ALK: variants seen among roughly 807,000 people sequenced by gnomAD.
The protein encoded by ALK is ALK tyrosine kinase receptor.
A neutral mutation model predicts 163.1 loss-of-function variants in ALK; 74 were observed. The ratio of observed to expected loss-of-function variants is 0.45; its 90% CI spans 0.38 to 0.55. The LOEUF (loss-of-function observed/expected upper bound fraction) is 0.55. Ranked by LOEUF, ALK falls within the 20% of genes least tolerant of loss-of-function variation. ALK has a pLI of 0.00. For synonymous variants in ALK, 960 were observed against 843.2 expected, an observed-to-expected ratio of 1.14 and a Z score of -2.40; for missense variants, 2,063 against 2,105.3, an observed-to-expected ratio of 0.98 and a Z score of 0.39.
chr2:29,800,524 C>A (rs908679431), intron 1 of ALK, among the ~76,000 whole-genome samples: 1 of 152,166 alleles, frequency 6.6e-6, no homozygotes, highest in African/African-American at 2.4e-5. Flanking sequence ...GGCTGGTCAA[C>A]AGGGACAGAG....
At chr2:29,281,786 G>A (rs902759047) in intron 9 of ALK, among the ~76,000 whole-genome samples, 4 of 152,220 alleles carry the variant, frequency 2.6e-5, no homozygotes, top group African/African-American at 4.8e-5. Flanking sequence ...AGAATTGGGC[G>A]CCTCGGAGAC....
chr2:29,726,665 C>A (rs940418268), intron 1 of ALK, among the ~76,000 whole-genome samples: 1 of 152,132 alleles, frequency 6.6e-6, no homozygotes, highest in Non-Finnish European at 1.5e-5. Context: ...GCAGTGAGTG[C>A]CCTGGGGAGA....
intron 3 of ALK, among the ~76,000 whole-genome samples, chr2:29,692,015 T>A (rs964021457): frequency 6.6e-6 from 1 of 152,182 alleles, no homozygotes; most frequent in Non-Finnish European, 1.5e-5. Flanking sequence ...AGTGTTGGAA[T>A]CTGGAGATAG....
intron 4 of ALK, among the ~76,000 whole-genome samples, chr2:29,484,696 A>G (rs1277902684): frequency 6.6e-6 from 1 of 152,190 alleles, no homozygotes; most frequent in Admixed American, 6.5e-5. Flanking sequence ...CAAGAAATAC[A>G]TCCTTCAATA....
At chr2:29,645,016 G>A (rs1015762209) in intron 3 of ALK, among the ~76,000 whole-genome samples, 14 of 152,112 alleles carry the variant, frequency 9.2e-5, no homozygotes, top group African/African-American at 3.4e-4. Context: ...AGTCTTGGAG[G>A]CCTTGGAGAT....
chr2:29,374,431 T>TA (rs1668706764), intron 5 of ALK, among the ~76,000 whole-genome samples: 2 of 145,694 alleles, frequency 1.4e-5, no homozygotes, highest in Non-Finnish European at 3.0e-5. Flanking sequence ...GTGCTTGCCA[T>TA]GAAAAAAAAA....
At chr2:29,516,813 G>A (rs997257560) in intron 4 of ALK, among the ~76,000 whole-genome samples, 2 of 152,230 alleles carry the variant, frequency 1.3e-5, no homozygotes, top group African/African-American at 4.8e-5. Context: ...TGCTATAAAC[G>A]TGGTAGCTGT....
At chr2:29,284,368 G>C (rs1665795659) in intron 9 of ALK, among the ~76,000 whole-genome samples, 1 of 152,158 alleles carries the variant, frequency 6.6e-6, no homozygotes, top group South Asian at 2.1e-4. Flanking sequence ...TCAAATATTG[G>C]AAGCTCAATT....
intron 3 of ALK, among the ~76,000 whole-genome samples, chr2:29,535,750 A>AAGGAT (rs1232297285): frequency 2.0e-5 from 3 of 152,156 alleles, no homozygotes; most frequent in Admixed American, 6.5e-5. Context: ...CAGTCTCTCT[A>AAGGAT]AGGATTCTTA....
At chr2:29,442,868 C>T (rs1670581745) in intron 4 of ALK, among the ~76,000 whole-genome samples, 1 of 152,202 alleles carries the variant, frequency 6.6e-6, no homozygotes, top group Admixed American at 6.5e-5. Flanking sequence ...ACAAATGATT[C>T]TCAATGTCCC....
intron 11 of ALK, among the ~76,000 whole-genome samples, chr2:29,269,176 G>A (rs763748711): frequency 2.6e-5 from 4 of 152,216 alleles, no homozygotes; most frequent in African/African-American, 4.8e-5. Context: ...CACTGAATGA[G>A]CTTAGTGACT....
chr2:29,228,620 C>T (rs1411831209), intron 16 of ALK, among the ~76,000 whole-genome samples: 4 of 152,054 alleles, frequency 2.6e-5, no homozygotes, highest in African/African-American at 4.8e-5. Context: ...CAAGCCAAAG[C>T]CTCTTTATCA....
intron 4 of ALK, among the ~76,000 whole-genome samples, chr2:29,520,373 T>C (rs1057370541): frequency 6.6e-6 from 1 of 152,246 alleles, no homozygotes; most frequent in Non-Finnish European, 1.5e-5. Flanking sequence ...AATTTGGGAA[T>C]TTGTTCATTT....
chr2:29,616,997 G>GTACAGTGATATTCACCTGGTGAATATC (rs1222610939), intron 3 of ALK, among the ~76,000 whole-genome samples: 5 of 152,120 alleles, frequency 3.3e-5, no homozygotes, highest in South Asian at 2.1e-4. Context: ...TGGTGAATAT[G>GTACAGTGATATTCACCTGGTGAATATC]TACAGTGATA....
At chr2:29,861,830 A>C (rs151026136) in intron 1 of ALK, among the ~76,000 whole-genome samples, 2 of 152,350 alleles carry the variant, frequency 1.3e-5, no homozygotes, top group African/African-American at 4.8e-5. Context: ...TACTACAAGA[A>C]AAGAAAATTG....
chr2:29,709,182 G>GA (rs1170945826), intron 2 of ALK, among the ~76,000 whole-genome samples: 1 of 151,990 alleles, frequency 6.6e-6, no homozygotes, highest in Non-Finnish European at 1.5e-5. Context: ...GTTAAGAAAA[G>GA]AAAAAAAGCA....
At chr2:29,438,646 C>A (rs886320425) in intron 4 of ALK, among the ~76,000 whole-genome samples, 2 of 152,146 alleles carry the variant, frequency 1.3e-5, no homozygotes, top group African/African-American at 4.8e-5. Flanking sequence ...GGCTACTCTC[C>A]CAGATCCCAC....
chr2:29,765,582 G>A (rs970968629), intron 1 of ALK, among the ~76,000 whole-genome samples: 1 of 152,072 alleles, frequency 6.6e-6, no homozygotes, highest in African/African-American at 2.4e-5. Flanking sequence ...AAAATGCTGG[G>A]ATTACAGGCA....
At chr2:29,646,003 G>A (rs1204914766) in intron 3 of ALK, among the ~76,000 whole-genome samples, 1 of 152,062 alleles carries the variant, frequency 6.6e-6, no homozygotes, top group Non-Finnish European at 1.5e-5. Flanking sequence ...CAACTCCCCA[G>A]TGAAGACCCT....
Sources: gnomAD v4.1 joint callset for allele counts (sites outside exome capture counted in the v4.1 genomes callset) on GRCh38, gnomAD v4.1.1 for gene constraint, MANE v1.5 for transcripts, NCBI Gene and HGNC (gene_info 2026-07-23, HGNC 2026-07-21) for gene names.